The following IDO2 variants were observed in gnomAD, a reference collection of about 807,000 sequenced individuals.
The protein encoded by IDO2 is indoleamine 2,3-dioxygenase-like 1 protein.
A neutral mutation model predicts 45.1 loss-of-function variants in IDO2; 46 were observed. That is an observed-to-expected ratio of 1.02 (90% CI 0.80 to 1.30). The LOEUF is 1.30. Ranked by LOEUF, IDO2 falls within the 50% of genes most tolerant of loss-of-function variation. IDO2 has a pLI of 0.00. For synonymous variants in IDO2, 218 were observed against 184.9 expected, an observed-to-expected ratio of 1.18 and a Z score of -1.45; for missense variants, 544 against 491.8, an observed-to-expected ratio of 1.11 and a Z score of -1.00.
At chr8:40,003,509 T>C (rs904723391) in intron 8 of IDO2, among the ~76,000 whole-genome samples, 3 of 152,186 alleles carry the variant, frequency 2.0e-5, no homozygotes, top group South Asian at 2.1e-4. Flanking sequence ...CTAATAAATA[T>C]GGTGTCTGTC....
At chr8:39,980,903 C>T (rs1808333441) in intron 4 of IDO2, among the ~76,000 whole-genome samples, 1 of 151,972 alleles carries the variant, frequency 6.6e-6, no homozygotes, top group Non-Finnish European at 1.5e-5. Flanking sequence ...GCACCTGCCG[C>T]CACGGCCAGC....
intron 2 of IDO2, among the ~76,000 whole-genome samples, chr8:39,955,588 G>T (rs1807880496): frequency 6.6e-6 from 1 of 151,962 alleles, no homozygotes; most frequent in African/African-American, 2.4e-5. Flanking sequence ...GGTGGGGGGA[G>T]GGGACAGAGA....
intron 5 of IDO2, chr8:39,984,939 A>G: frequency 4.6e-6 from 2 of 435,798 alleles, no homozygotes; most frequent in Non-Finnish European, 9.1e-6. Flanking sequence ...TTATTTATTT[A>G]TTTATTTTCA....
chr8:39,956,938 G>A (rs1391002342), intron 2 of IDO2, among the ~76,000 whole-genome samples: 2 of 149,034 alleles, frequency 1.3e-5, no homozygotes, highest in Non-Finnish European at 3.0e-5. Context: ...AGCTATTTGG[G>A]ATGCTGAGTC....
At chr8:39,994,412 C>T (rs1305936471) in intron 8 of IDO2, among the ~76,000 whole-genome samples, 1 of 152,052 alleles carries the variant, frequency 6.6e-6, no homozygotes, top group Non-Finnish European at 1.5e-5. Context: ...CGTGTGCCAC[C>T]ACACCCGGCT....
chr8:39,975,325 G>C (rs1250248603), intron 3 of IDO2, among the ~76,000 whole-genome samples: 1 of 151,864 alleles, frequency 6.6e-6, no homozygotes, highest in Non-Finnish European at 1.5e-5. Context: ...CAGGACCTCT[G>C]TTCATCAAAA....
At chr8:39,991,097 G>A (rs996940458) in intron 8 of IDO2, among the ~76,000 whole-genome samples, 22 of 152,094 alleles carry the variant, frequency 1.4e-4, no homozygotes, top group African/African-American at 5.3e-4. Flanking sequence ...GTACTGCCAA[G>A]CTTTATTATC....
intron 8 of IDO2, among the ~76,000 whole-genome samples, chr8:39,996,567 G>A (rs907457867): frequency 6.6e-6 from 1 of 151,928 alleles, no homozygotes; most frequent in Non-Finnish European, 1.5e-5. Flanking sequence ...GTGGTCCCCC[G>A]GGCCCAGCCG....
chr8:40,012,914 A>G (rs887442997), intron 9 of IDO2, among the ~76,000 whole-genome samples: 1 of 152,200 alleles, frequency 6.6e-6, no homozygotes, highest in Non-Finnish European at 1.5e-5. Context: ...CATCCTTATT[A>G]TCAATACCTG....
chr8:39,947,096 C>A (rs1338260671), intron 1 of IDO2, among the ~76,000 whole-genome samples: 1 of 138,186 alleles, frequency 7.2e-6, no homozygotes, highest in African/African-American at 2.8e-5. Context: ...GCAGAGGTTG[C>A]AGTGAGCAGA....
At position 40,006,242 on chromosome 8, in the gene IDO2, A is replaced by T. The variant is rs534890314; in HGVS notation, c.719+864A>T. Among the ~76,000 whole-genome samples the T allele has an allele frequency of 8.5e-5, 13 of 152,204 alleles. No homozygotes were observed. The South Asian group carries it at 2.7e-3, about 32-fold the overall frequency. On this transcript the variant is annotated intron_variant, in intron 9 of 10. Transcript: ENST00000502986. ...AACTACTTTGAGTACCCATACAACC[A>T]TTCTGTTTTTCACATTTGGTACAGT...
At chr8:40,006,312 G>A (rs948397960) in intron 9 of IDO2, among the ~76,000 whole-genome samples, 3 of 152,140 alleles carry the variant, frequency 2.0e-5, no homozygotes, top group African/African-American at 4.8e-5. Flanking sequence ...ACATAAATAA[G>A]CTTTGCGTTA....
intron 3 of IDO2, among the ~76,000 whole-genome samples, chr8:39,971,742 G>A (rs781130017): frequency 6.6e-6 from 1 of 152,186 alleles, no homozygotes; most frequent in Non-Finnish European, 1.5e-5. Context: ...GAAATAGTAT[G>A]AGAACTAAAA....
At chr8:40,007,700 C>T (rs980508235) in intron 9 of IDO2, among the ~76,000 whole-genome samples, 1 of 152,150 alleles carries the variant, frequency 6.6e-6, no homozygotes, top group Non-Finnish European at 1.5e-5. Flanking sequence ...TGTATGTTTT[C>T]CCTTGTTACG....
exon 1 of IDO2, chr8:39,935,203 C>T (rs765982716): frequency 1.2e-6 from 2 of 1,613,294 alleles, no homozygotes; most frequent in Non-Finnish European, 1.7e-6. Flanking sequence ...AAGAATGTTG[C>T]ATTTTCATTA....
At position 39,988,164 on chromosome 8, in the gene IDO2, G is replaced by A. The variant is rs150449137; in HGVS notation, c.549+194G>A. Among the ~76,000 whole-genome samples, 159 of 152,198 alleles carry A rather than the reference G, an allele frequency of 1.0e-3. 4 individuals carry two copies. The East Asian group carries it at 0.025, about 24-fold the overall frequency. ...CCTTTTCTCAATTCCTATAAAACTC[G>A]GAATGGACCTTTTGTCCATTCAACA... On this transcript the variant is annotated intron_variant, in intron 7 of 10. Coordinates refer to ENST00000502986, the Ensembl canonical transcript of IDO2.
intron 2 of IDO2, among the ~76,000 whole-genome samples, chr8:39,956,451 G>T (rs1807903372): frequency 6.6e-6 from 1 of 152,056 alleles, no homozygotes; most frequent in Non-Finnish European, 1.5e-5. Flanking sequence ...AGACATTTTA[G>T]GCTATAAGTT....
At chr8:40,005,413 C>T (rs1442478037) in intron 9 of IDO2, 35 bp downstream of exon 9, 4 of 1,403,074 alleles carry the variant, frequency 2.9e-6, no homozygotes, top group Non-Finnish European at 3.9e-6. Flanking sequence ...TGTGTGAAGT[C>T]TCTGTAGCAT....
intron 10 of IDO2, 128 bp from the exon 11 acceptor site, chr8:40,015,119 C>A: frequency 1.6e-6 from 1 of 611,042 alleles, no homozygotes; most frequent in Admixed American, 3.1e-5. Flanking sequence ...CACACCACTG[C>A]ACTCCAGCCT....
Sources: allele counts gnomAD v4.1 joint callset (sites outside exome capture counted in the v4.1 genomes callset), GRCh38; gene constraint gnomAD v4.1.1; transcripts MANE v1.5; gene names NCBI Gene and HGNC (gene_info 2026-07-23, HGNC 2026-07-21).